The following KCNIP4 variants were observed in gnomAD, a reference collection of about 807,000 sequenced individuals.
KCNIP4 encodes the protein potassium voltage-gated channel interacting protein 4.
In KCNIP4, 12 loss-of-function variants were observed where a neutral mutation model predicts 34.0. The ratio of observed to expected loss-of-function variants is 0.35; its 90% confidence interval spans 0.23 to 0.57. The LOEUF (loss-of-function observed/expected upper bound fraction) is 0.57. KCNIP4 is among the 20% of genes least tolerant of loss of function. The probability of loss-of-function intolerance (pLI) is 0.83; values close to 1 mark genes in which losing one functional copy is unlikely to be tolerated. For synonymous variants in KCNIP4, 124 were observed against 102.2 expected, an observed-to-expected ratio of 1.21 and a Z score of -1.29; for missense variants, 238 against 311.7, an observed-to-expected ratio of 0.76 and a Z score of 1.78.
intron 1 of KCNIP4, among the ~76,000 whole-genome samples, chr4:21,919,243 A>C (rs1195992274): frequency 6.6e-6 from 1 of 152,176 alleles, no homozygotes. Flanking sequence ...GCAGTTTACA[A>C]TTGCATATTC....
chr4:21,243,851 C>T (rs28655062), intron 1 of KCNIP4, among the ~76,000 whole-genome samples: 32,881 of 151,996 alleles, frequency 0.22, 6,056 homozygotes, highest in African/African-American at 0.5. Context: ...CTAGAGGCCT[C>T]GGTGTTTGGA....
intron 1 of KCNIP4, among the ~76,000 whole-genome samples, chr4:21,003,463 C>T (rs1297725945): frequency 1.3e-5 from 2 of 152,172 alleles, no homozygotes; most frequent in Non-Finnish European, 2.9e-5. Context: ...GATCAATAAA[C>T]AACAAAGCTT....
intron 1 of KCNIP4, among the ~76,000 whole-genome samples, chr4:21,193,783 G>A (rs1292664401): frequency 6.6e-6 from 1 of 151,984 alleles, no homozygotes; most frequent in Non-Finnish European, 1.5e-5. Context: ...ATGTTAGCCA[G>A]GATGGTCTCG....
intron 1 of KCNIP4, among the ~76,000 whole-genome samples, chr4:21,204,379 T>C (rs1284872065): frequency 6.6e-6 from 1 of 152,170 alleles, no homozygotes; most frequent in Non-Finnish European, 1.5e-5. Context: ...TTATACAGCA[T>C]AGATTTAAAG....
At chr4:21,729,817 A>T (rs571359901) in intron 1 of KCNIP4, 1 of 152,308 alleles carries the variant, frequency 6.6e-6, no homozygotes, top group South Asian at 2.1e-4. Context: ...CAAAACATAA[A>T]AGTATTTTAT....
intron 1 of KCNIP4, among the ~76,000 whole-genome samples, chr4:21,426,902 CT>C (rs112089496): frequency 0.046 from 4,472 of 97,196 alleles, 75 homozygotes; most frequent in Admixed American, 0.07. Context: ...ACTTTTTTAA[CT>C]TTTTTTTTTT....
rs568826263 is a variant in KCNIP4 at position 20,981,931 on chromosome 4, C to G, written c.62-99222G>C. 3.9e-5 allele frequency among the ~76,000 whole-genome samples: 6 copies of G among 152,268 alleles called. 1 individual carries two copies. In the South Asian group the frequency reaches 1.2e-3, roughly 32 times the overall value. On this transcript the variant is annotated intron_variant, in intron 1 of 8. Transcript: ENST00000382152. The stretch of plus-strand genomic sequence containing the variant: ...ATTTAGATATCTCTCCCAAGGAAGA[C>G]TTTTCAGACCAACTCAAAATTTCTA...
intron 1 of KCNIP4, among the ~76,000 whole-genome samples, chr4:21,759,263 C>T (rs1392530741): frequency 6.6e-6 from 1 of 152,140 alleles, no homozygotes; most frequent in Non-Finnish European, 1.5e-5. Context: ...AATAGGAACA[C>T]TTGCTTTGTA....
rs143110438 is a variant in KCNIP4, at chr4:21,552,764, G to A, written c.61+395807C>T. Among the ~76,000 whole-genome samples, 720 of 152,188 alleles carry A rather than the reference G, an allele frequency of 4.7e-3. 5 individuals carry two copies. Among genetic ancestry groups the A allele is most frequent in the Middle Eastern group, 0.014 (4 of 294 alleles). ...GGCAGATTGACCTTTCTTGAGAGTA[G>A]CTTATCTTGCTGTAGAGCAATATTC... On this transcript the variant is annotated intron_variant, in intron 1 of 8. Coordinates refer to ENST00000382152, the MANE Select transcript of KCNIP4 (RefSeq NM_025221.6).
chr4:21,881,232 A>G (rs1390329658), intron 1 of KCNIP4, among the ~76,000 whole-genome samples: 2 of 152,170 alleles, frequency 1.3e-5, no homozygotes, highest in Admixed American at 6.5e-5. Flanking sequence ...CGCTAAAGAC[A>G]TTATTCAAAG....
chr4:21,390,664 A>C (rs545793059), intron 1 of KCNIP4, among the ~76,000 whole-genome samples: 8 of 152,056 alleles, frequency 5.3e-5, no homozygotes, highest in Admixed American at 2.0e-4. Flanking sequence ...TGGTCTATAT[A>C]TCTGTTTTGG....
chr4:21,744,688 C>T (rs1716655864), intron 1 of KCNIP4, among the ~76,000 whole-genome samples: 1 of 152,146 alleles, frequency 6.6e-6, no homozygotes, highest in Non-Finnish European at 1.5e-5. Flanking sequence ...GGTCAGTGTC[C>T]AGGCTCCACA....
intron 1 of KCNIP4, among the ~76,000 whole-genome samples, chr4:21,393,920 TA>T (rs888103533): frequency 1.4e-4 from 21 of 152,156 alleles, no homozygotes; most frequent in African/African-American, 5.1e-4. Context: ...AGAATCTGTA[TA>T]AAAAATTTAT....
At chr4:21,291,702 A>T (rs1763472898) in intron 1 of KCNIP4, among the ~76,000 whole-genome samples, 1 of 151,776 alleles carries the variant, frequency 6.6e-6, no homozygotes, top group Admixed American at 6.6e-5. Context: ...CAAAAAAAAA[A>T]AATTAGCCAG....
Position 21,506,571 on chromosome 4 carries a change from C to T in KCNIP4, c.61+442000G>A, listed in dbSNP as rs147949792. Among the ~76,000 whole-genome samples the T allele has an allele frequency of 4.8e-3, 731 of 152,314 alleles. 8 individuals are homozygous for T. Among genetic ancestry groups the T allele is most frequent in the African/African-American group, 0.017 (695 of 41,568 alleles). On this transcript the variant is annotated intron_variant, in intron 1 of 8. Transcript: ENST00000382152. The stretch of plus-strand genomic sequence containing the variant: ...TATATTTATTCCTGTCACATCCATT[C>T]ATGTTCCAACATGTTCTTTTGAATA...
chr4:21,174,683 T>C (rs1484998520), intron 1 of KCNIP4, among the ~76,000 whole-genome samples: 3 of 152,038 alleles, frequency 2.0e-5, no homozygotes, highest in Non-Finnish European at 4.4e-5. Context: ...GCAGATCACC[T>C]GGGGTCAGGA....
At chr4:21,399,900 C>G (rs1723326936) in intron 1 of KCNIP4, among the ~76,000 whole-genome samples, 1 of 152,092 alleles carries the variant, frequency 6.6e-6, no homozygotes, top group Non-Finnish European at 1.5e-5. Flanking sequence ...GAGAGAGACC[C>G]ATGACAATAG....
At chr4:20,757,313 A>C (rs1316835599) in intron 4 of KCNIP4, among the ~76,000 whole-genome samples, 2 of 152,174 alleles carry the variant, frequency 1.3e-5, no homozygotes, top group African/African-American at 4.8e-5. Flanking sequence ...CTACAGCAGT[A>C]ATCTTCTAAT....
chr4:21,437,600 C>T (rs555714653), intron 1 of KCNIP4, among the ~76,000 whole-genome samples: 5 of 152,210 alleles, frequency 3.3e-5, no homozygotes, highest in African/African-American at 1.2e-4. Context: ...TTATATTTAC[C>T]GAACTTCTTT....
Sources: allele counts gnomAD v4.1 joint callset (sites outside exome capture counted in the v4.1 genomes callset), GRCh38; gene constraint gnomAD v4.1.1; transcripts MANE v1.5; gene names NCBI Gene and HGNC (gene_info 2026-07-23, HGNC 2026-07-21).